Variants in BARD1 observed in about 807,000 individuals in gnomAD.
BARD1 encodes BRCA1-associated RING domain protein 1.
BARD1 carries 73 observed loss-of-function variants against 77.0 expected under a neutral mutation model. The observed-to-expected ratio is 0.95, with a 90% CI of 0.79 to 1.15. BARD1 has a LOEUF of 1.15. BARD1 is among the 50% of genes most tolerant of loss of function. BARD1 has a pLI of 0.00. For synonymous variants in BARD1, 384 were observed against 338.0 expected, an observed-to-expected ratio of 1.14 and a Z score of -1.49; for missense variants, 993 against 938.8, an observed-to-expected ratio of 1.06 and a Z score of -0.75.
chr2:214,762,748 C>T (rs1456694382), intron 6 of BARD1, among the ~76,000 whole-genome samples: 1 of 152,184 alleles, frequency 6.6e-6, no homozygotes, highest in East Asian at 1.9e-4. Context: ...AATCAACATC[C>T]TAATCGGTAC....
rs1574753914 is a variant in BARD1 at position 214,751,441 on chromosome 2, G to A, written c.1677+1006C>T. ...GCCTCCCAAAGTGCTGGGATTACAG[G>A]TGCGATCCACTGCACCTGGCCTTTC... is the stretch of plus-strand genomic sequence containing the variant. On this transcript the variant is annotated intron_variant, in intron 7 of 10. Transcript: ENST00000260947. Among the ~76,000 whole-genome samples the A allele has an allele frequency of 3.3e-5, 5 of 151,634 alleles. No homozygotes were observed. The South Asian group carries it at 1.0e-3, about 32-fold the overall frequency.
intron 4 of BARD1, among the ~76,000 whole-genome samples, chr2:214,774,144 TC>T (rs1362071201): frequency 2.0e-5 from 3 of 152,212 alleles, no homozygotes; most frequent in Non-Finnish European, 4.4e-5. Flanking sequence ...TCTTGCTATT[TC>T]TACTACATCT....
chr2:214,735,974 C>G (rs1327163543), intron 9 of BARD1, among the ~76,000 whole-genome samples: 1 of 152,014 alleles, frequency 6.6e-6, no homozygotes, highest in Non-Finnish European at 1.5e-5. Flanking sequence ...TTATTTGGCT[C>G]TCAGATCTCT....
At chr2:214,752,620 A>T (rs894068157) in intron 6 of BARD1, 65 bp from the exon 7 acceptor site, 1 of 1,113,058 alleles carries the variant, frequency 9.0e-7, no homozygotes, top group South Asian at 1.2e-5. Context: ...ATTTTTCAAC[A>T]TCCTTAATAA....
At chr2:214,754,375 A>G (rs2106043266) in intron 6 of BARD1, among the ~76,000 whole-genome samples, 1 of 152,178 alleles carries the variant, frequency 6.6e-6, no homozygotes, top group Non-Finnish European at 1.5e-5. Context: ...AAATCCATGC[A>G]TACACTAGGA....
At chr2:214,740,522 C>T (rs1692774198) in intron 9 of BARD1, among the ~76,000 whole-genome samples, 1 of 151,890 alleles carries the variant, frequency 6.6e-6, no homozygotes, top group Non-Finnish European at 1.5e-5. Flanking sequence ...TATTTTTTTA[C>T]CCACATGCAT....
At chr2:214,738,337 C>A (rs76614045) in intron 9 of BARD1, among the ~76,000 whole-genome samples, 4,439 of 152,158 alleles carry the variant, frequency 0.029, 216 homozygotes, top group African/African-American at 0.1. Context: ...TAAGCAGCCC[C>A]ATTTCTAAAG....
intron 9 of BARD1, among the ~76,000 whole-genome samples, chr2:214,744,817 G>C (rs1693020842): frequency 6.6e-6 from 1 of 152,034 alleles, no homozygotes; most frequent in African/African-American, 2.4e-5. Flanking sequence ...ATTTTTAGTA[G>C]AGACAGGGCT....
At chr2:214,729,173 G>A (rs141614490) in intron 10 of BARD1, among the ~76,000 whole-genome samples, 165 bp from the exon 11 acceptor site, 1 of 152,360 alleles carries the variant, frequency 6.6e-6, no homozygotes, top group East Asian at 1.9e-4. Context: ...TGGAAAATTT[G>A]CATATACATG....
intron 4 of BARD1, among the ~76,000 whole-genome samples, chr2:214,777,822 G>T (rs1004545625): frequency 1.3e-5 from 2 of 152,208 alleles, no homozygotes; most frequent in African/African-American, 4.8e-5. Context: ...TAAGATAGCA[G>T]AATTGCAATA....
At chr2:214,729,713 G>A (rs1039104614) in intron 10 of BARD1, among the ~76,000 whole-genome samples, 2 of 152,120 alleles carry the variant, frequency 1.3e-5, no homozygotes, top group African/African-American at 4.8e-5. Flanking sequence ...ACAACTCCTA[G>A]CTTATTTGAA....
At chr2:214,784,676 A>G (rs1482062039) in intron 3 of BARD1, among the ~76,000 whole-genome samples, 1 of 152,216 alleles carries the variant, frequency 6.6e-6, no homozygotes, top group Non-Finnish European at 1.5e-5. Flanking sequence ...GCACATATAC[A>G]CCATGGAATA....
Position 214,730,457 on chromosome 2 carries a change from TCATACTTTTCTTCCTGTTCA to T in BARD1, c.1935_1954del (p.Cys645Ter), listed in dbSNP as rs587780024. ...GCTTCTGCGTGGACCTTCAGGAATT[TCATACTTTTCTTCCTGTTCA>T]CATACTTTTCTTCGTAGACATGCTT... On this transcript the variant is annotated stop_gained and frameshift_variant, in exon 10 of 11. Coordinates refer to ENST00000260947, the MANE Select transcript of BARD1 (RefSeq NM_000465.4). LOFTEE classifies it high-confidence loss of function. The T allele has an allele frequency of 6.2e-7, 1 of 1,614,002 alleles. No homozygotes were observed. Among genetic ancestry groups the T allele is most frequent in the East Asian group, 2.2e-5 (1 of 44,820 alleles).
rs1445844416 is a variant in BARD1 at position 214,780,903 on chromosome 2, T to G, written c.971A>C (p.His324Pro). Reference protein sequence around the residue: ...LPLENNGKRGHHNRLSSPISK... With the variant: ...LPLENNGKRGPHNRLSSPISK... ...AATGGGACTGGAAAGTCTATTGTGA[T>G]GGCCACGTTTTCCATTATTTTCTAA... Residue 324 changes from histidine (H) to proline (P), a missense_variant, in exon 4 of 11, where the codon CAT (histidine) becomes CCT (proline). His to Pro is a moderately conservative substitution (Grantham distance 77). Coordinates refer to ENST00000260947, the MANE Select transcript of BARD1 (RefSeq NM_000465.4). 6.2e-7 allele frequency: 1 copy of G among 1,614,126 alleles called. No individual in the cohort carries two copies. The highest frequency in any genetic ancestry group is 1.7e-5 in the Admixed American group (1 of 60,006).
At chr2:214,797,331 T>C (rs1200055554) in intron 1 of BARD1, among the ~76,000 whole-genome samples, 2 of 152,220 alleles carry the variant, frequency 1.3e-5, no homozygotes, top group Admixed American at 1.3e-4. Context: ...CCAAACTGGG[T>C]ACAAGTTGTA....
At chr2:214,766,441 C>T (rs1217673309) in intron 6 of BARD1, among the ~76,000 whole-genome samples, 4 of 152,132 alleles carry the variant, frequency 2.6e-5, no homozygotes, top group Admixed American at 6.5e-5. Flanking sequence ...ATTATTTCTA[C>T]AATAACTGCT....
intron 10 of BARD1, among the ~76,000 whole-genome samples, 163 bp from the exon 11 acceptor site, chr2:214,729,171 T>A (rs528400881): frequency 7.9e-5 from 12 of 152,356 alleles, no homozygotes; most frequent in African/African-American, 2.9e-4. Context: ...TTTGGAAAAT[T>A]TGCATATACA....
chr2:214,796,896 T>C (rs1157696093), intron 2 of BARD1, 165 bp downstream of exon 2: 1 of 639,806 alleles, frequency 1.6e-6, no homozygotes, highest in Non-Finnish European at 2.8e-6. Flanking sequence ...ATTTGTAAAT[T>C]AAGACACAGT....
rs559875922 is a variant in BARD1, at chr2:214,756,749, T to C, written c.1569-4194A>G. 4.6e-5 allele frequency among the ~76,000 whole-genome samples: 7 copies of C among 152,264 alleles called. No homozygotes were observed. The East Asian group carries it at 9.7e-4, about 21-fold the overall frequency. ...AGGAGGGAAAATCAAACATTGTATG[T>C]TCTCATTCATAAGTGGAAGCTAAGC... is the stretch of plus-strand genomic sequence containing the variant. On this transcript the variant is annotated intron_variant, in intron 6 of 10. Transcript: ENST00000260947.
Sources: gnomAD v4.1 joint callset for allele counts (sites outside exome capture counted in the v4.1 genomes callset) on GRCh38, gnomAD v4.1.1 for gene constraint, MANE v1.5 for transcripts, NCBI Gene and HGNC (gene_info 2026-07-23, HGNC 2026-07-21) for gene names.